The following SLC5A12 variants were observed in gnomAD, a reference collection of about 807,000 sequenced individuals.
The protein encoded by SLC5A12 is sodium-coupled monocarboxylate transporter 2.
A neutral mutation model predicts 72.7 loss-of-function variants in SLC5A12; 46 were observed. The observed-to-expected ratio is 0.63, with a 90% CI of 0.50 to 0.81. SLC5A12 has a LOEUF of 0.81. Among genes scored for constraint, SLC5A12 ranks in the 30% least tolerant of loss-of-function variants. The pLI is 0.00. For synonymous variants in SLC5A12, 275 were observed against 264.4 expected, an observed-to-expected ratio of 1.04 and a Z score of -0.39; for missense variants, 683 against 740.7, an observed-to-expected ratio of 0.92 and a Z score of 0.90.
At position 26,681,015 on chromosome 11, in the gene SLC5A12, C is replaced by T. The variant is rs1380633710; in HGVS notation, c.1475+40G>A. ...TGCACCTCCCTCTTACCAGGTGACCCACTCTCTGGGACTTAGCACCATCTA... is the reference window on the plus strand; with the variant it reads ...TGCACCTCCCTCTTACCAGGTGACCTACTCTCTGGGACTTAGCACCATCTA... On this transcript the variant is annotated intron_variant, in intron 12 of 14. Transcript: ENST00000396005. 9 of 1,493,440 alleles carry T rather than the reference C, an allele frequency of 6.0e-6. No individual in the cohort carries two copies. In the Admixed American group the frequency reaches 6.5e-5, roughly 11 times the overall value. The allele number at this position is 1,493,440 out of a possible 1,614,324, so 92.5% of individuals were successfully genotyped here. A position where few individuals can be genotyped will look rare whatever the true frequency, so the allele number is the denominator to read the frequency against.
chr11:26,670,934 C>T lies in SLC5A12; in HGVS notation c.*168G>A, dbSNP rs7128239. Reference sequence around the variant, plus strand: ...GTCTTTCAAAGAATATCCCGAGAGACAGTCATTTTGCATGTAGTTATAAAT... The same window carrying T: ...GTCTTTCAAAGAATATCCCGAGAGATAGTCATTTTGCATGTAGTTATAAAT... On this transcript the variant is annotated 3_prime_UTR_variant, in exon 15 of 15. Coordinates refer to ENST00000396005, the MANE Select transcript of SLC5A12 (RefSeq NM_178498.4). 0.26 allele frequency: 136,671 copies of T among 532,786 alleles called. 18,419 individuals carry two copies. The highest frequency in any genetic ancestry group is 0.39 in the East Asian group (10,968 of 28,262). The allele number at this position is 532,786 out of a possible 1,614,324, so 33.0% of individuals were successfully genotyped here.
chr11:26,703,966 T>C lies in SLC5A12; in HGVS notation c.526-19A>G. 6.2e-7 allele frequency: 1 copy of C among 1,612,740 alleles called. No homozygotes were observed. The highest frequency in any genetic ancestry group is 8.5e-7 in the Non-Finnish European group (1 of 1,179,134). On this transcript the variant is annotated intron_variant, in intron 4 of 14. Transcript: ENST00000396005. ...ATCCTCCCTGAAATAGAGAGAATGT[T>C]TGAGTCCTTGAAAACAAACCCTGTA...
intron 2 of SLC5A12, 44 bp downstream of exon 2, chr11:26,712,597 G>T (rs1245997182): frequency 7.0e-7 from 1 of 1,426,004 alleles, no homozygotes; most frequent in Non-Finnish European, 9.6e-7. Context: ...CCTATATCTA[G>T]TAACCTCACA....
In SLC5A12 at chr11:26,704,509, T is replaced by C. The variant is rs960568841; in HGVS notation, c.526-562A>G. Among the ~76,000 whole-genome samples the C allele has an allele frequency of 2.0e-5, 3 of 152,166 alleles. No homozygotes were observed. The East Asian group carries it at 5.8e-4, about 29-fold the overall frequency. On this transcript the variant is annotated intron_variant, in intron 4 of 14. Coordinates refer to ENST00000396005, the MANE Select transcript of SLC5A12 (RefSeq NM_178498.4). ...GACTTTGATAAGGACACTTAAATGT[T>C]TTCTCAAGAGCAATAAGGAAGCATT...
At chr11:26,703,997 A>G in intron 4 of SLC5A12, 50 bp from the exon 5 acceptor site, 2 of 1,600,134 alleles carry the variant, frequency 1.2e-6, no homozygotes, top group South Asian at 1.1e-5. Context: ...CTGTAACTGT[A>G]CTGGCTCTGC....
chr11:26,712,845 A>G (rs1244870972), intron 1 of SLC5A12, 139 bp from the exon 2 acceptor site: 8 of 406,030 alleles, frequency 2.0e-5, no homozygotes, highest in African/African-American at 1.6e-4. Flanking sequence ...TAGAAGCAAC[A>G]GGAATAAAAA....
At chr11:26,715,179 G>A (rs1349202017) in intron 1 of SLC5A12, among the ~76,000 whole-genome samples, 1 of 152,124 alleles carries the variant, frequency 6.6e-6, no homozygotes, top group African/African-American at 2.4e-5. Context: ...CAGAGCTAGG[G>A]CTATAGTAGG....
intron 3 of SLC5A12, among the ~76,000 whole-genome samples, chr11:26,710,086 C>A (rs1855186539): frequency 6.6e-6 from 1 of 152,002 alleles, no homozygotes; most frequent in African/African-American, 2.4e-5. Context: ...TCTCTTTGTT[C>A]AACTGTCACT....
At position 26,670,380 on chromosome 11, in the gene SLC5A12, G is replaced by A. The variant is rs1032481355; in HGVS notation, c.*722C>T. ...ATTTTTCATTGTAAAGTGATAGAAA[G>A]GAAGAAGACATACTGCATGGACAGC... On this transcript the variant is annotated 3_prime_UTR_variant, in exon 15 of 15. Coordinates refer to ENST00000396005, the MANE Select transcript of SLC5A12 (RefSeq NM_178498.4). 1.3e-5 allele frequency: 2 copies of A among 152,086 alleles called. No homozygotes were observed. The highest frequency in any genetic ancestry group is 4.8e-5 in the African/African-American group (2 of 41,422). 9.4% of individuals were successfully genotyped at this position (152,086 alleles called of 1,614,324 possible). A position where few individuals can be genotyped will look rare whatever the true frequency, so the allele number is the denominator to read the frequency against.
At chr11:26,680,987 G>T in intron 12 of SLC5A12, 68 bp downstream of exon 12, 2 of 1,367,142 alleles carry the variant, frequency 1.5e-6, no homozygotes, top group Middle Eastern at 2.1e-4. Flanking sequence ...TATCTCTGAA[G>T]AGTGCACCTC....
chr11:26,687,338 G>C (rs1854561486), intron 9 of SLC5A12, among the ~76,000 whole-genome samples: 2 of 152,144 alleles, frequency 1.3e-5, no homozygotes, highest in Admixed American at 1.3e-4. Flanking sequence ...GCAAAAAGTA[G>C]CAGATTGACA....
rs748588404 is a variant in SLC5A12 at position 26,703,649 on chromosome 11, G to A, written c.703C>T (p.Arg235Ter). ...ACTGTGATAGTCCAAAAAGTGTGTC[G>A]CCTGAGAGGATCTACATCAAAGCTA... ...IFDFDVDPLRRHTFWTITVGG... is the reference protein window; with the variant it reads ...IFDFDVDPLR Residue 235 changes from arginine (R) to a stop codon, truncating the protein, a stop_gained, in exon 6 of 15, where the codon CGA becomes TGA. Coordinates refer to ENST00000396005, the MANE Select transcript of SLC5A12 (RefSeq NM_178498.4). LOFTEE classifies it high-confidence loss of function. 8.1e-6 allele frequency: 13 copies of A among 1,613,670 alleles called. No homozygotes were observed. The highest frequency in any genetic ancestry group is 1.3e-5 in the African/African-American group (1 of 74,866).
chr11:26,682,670 G>T (rs74639034), intron 11 of SLC5A12, among the ~76,000 whole-genome samples: 1 of 152,068 alleles, frequency 6.6e-6, no homozygotes, highest in African/African-American at 2.4e-5. Flanking sequence ...AGAAATCAAG[G>T]TGGTTTTCCT....
rs1854077754 is a variant in SLC5A12 at position 26,669,199 on chromosome 11, C to CTTTCTTTCTTTTTT, written c.*1902_*1903insAAAAAAGAAAGAAA. On this transcript the variant is annotated 3_prime_UTR_variant, in exon 15 of 15. Transcript: ENST00000396005. ...TCTTTCTTTCTTCTTTTCTTTCTTT[C>CTTTCTTTCTTTTTT]TTTCTTTCTTTCTTTCTTTCTCTCT... 7.5e-6 allele frequency: 1 copy of CTTTCTTTCTTTTTT among 133,256 alleles called. No homozygotes were observed. Among genetic ancestry groups the CTTTCTTTCTTTTTT allele is most frequent in the African/African-American group, 2.9e-5 (1 of 34,030 alleles). The allele number at this position is 133,256 out of a possible 1,614,324, so 8.3% of individuals were successfully genotyped here.
At position 26,703,927 on chromosome 11, in the gene SLC5A12, C is replaced by T; in HGVS notation, c.546G>A (p.Val182=). 1 of 1,613,790 alleles carries T rather than the reference C, an allele frequency of 6.2e-7. No individual in the cohort carries two copies. Among genetic ancestry groups the T allele is most frequent in the Admixed American group, 1.7e-5 (1 of 59,990 alleles). The change falls in exon 5 of 15, where the codon GTG becomes GTA. Residue 182 remains valine (V), a synonymous_variant. Transcript: ENST00000396005. The stretch of plus-strand genomic sequence containing the variant: ...CAACCATCTGAAATGCATCTGTCCA[C>T]ACCACTGCTTTTAATCCTCCCTGAA... ...YCTLGGLKAV[V]WTDAFQMVVM... is the part of the protein sequence containing the mutation.
At chr11:26,723,338 G>A (rs61283127), upstream of SLC5A12, 6,265 of 150,772 alleles carry the variant, frequency 0.042, 345 homozygotes, top group African/African-American at 0.13. Context: ...CCCAAGAGCT[G>A]TCTGTGTCCT....
At chr11:26,678,404 G>A (rs1327211189) in intron 13 of SLC5A12, among the ~76,000 whole-genome samples, 1 of 151,938 alleles carries the variant, frequency 6.6e-6, no homozygotes, top group Non-Finnish European at 1.5e-5. Context: ...TTTTGAGACG[G>A]AGCCTTGCTC....
chr11:26,687,055 T>A (rs1006105244), intron 9 of SLC5A12, among the ~76,000 whole-genome samples: 2 of 152,210 alleles, frequency 1.3e-5, no homozygotes, highest in South Asian at 4.1e-4. Flanking sequence ...CGCTTTTTTT[T>A]ATATTATCCT....
rs1854322919 is a variant in SLC5A12, at chr11:26,678,739, C to T, written c.1552G>A (p.Ala518Thr). The T allele has an allele frequency of 6.2e-7, 1 of 1,612,948 alleles. No homozygotes were observed. Among genetic ancestry groups the T allele is most frequent in the Non-Finnish European group, 8.5e-7 (1 of 1,179,462 alleles). Residue 518 changes from alanine to threonine, a missense_variant, in exon 13 of 15, where the codon GCT becomes ACT. By Grantham distance (58) the Ala-to-Thr change is moderately conservative (BLOSUM62 0). Transcript: ENST00000396005. Reference sequence around the variant, plus strand: ...GTTATGAGGCTGATGATTACTCCAGCAACAATGCATCCTAAGCAGCCCACT... The same window carrying T: ...GTTATGAGGCTGATGATTACTCCAGTAACAATGCATCCTAAGCAGCCCACT... Reference protein sequence around the residue: ...SAVGCLGCIVAGVIISLITGR... With the variant: ...SAVGCLGCIVTGVIISLITGR...
Sources: allele counts gnomAD v4.1 joint callset (sites outside exome capture counted in the v4.1 genomes callset), GRCh38; gene constraint gnomAD v4.1.1; transcripts MANE v1.5; gene names NCBI Gene and HGNC (gene_info 2026-07-23, HGNC 2026-07-21).